Variants in HAPSTR1 observed in about 807,000 individuals in gnomAD.
HAPSTR1 encodes HUWE1-associated protein modifying stress responses 1.
chr16:9,100,911 C>G, the HAPSTR1 span, among the ~76,000 whole-genome samples: 1 of 152,092 alleles, frequency 6.6e-6, no homozygotes, highest in South Asian at 2.1e-4. Context: ...ACTTTTTTTC[C>G]TCTGTTTCTG....
chr16:9,115,520 G>A, the HAPSTR1 span, among the ~76,000 whole-genome samples: 1 of 152,194 alleles, frequency 6.6e-6, no homozygotes. Flanking sequence ...GGTTTATCCT[G>A]AATGTTTAGG....
the HAPSTR1 span, among the ~76,000 whole-genome samples, chr16:9,094,363 C>G: frequency 3.9e-5 from 6 of 151,982 alleles, 1 homozygote; most frequent in South Asian, 1.2e-3. Flanking sequence ...CGGTCTTGAA[C>G]GTTTTGGAAT....
At chr16:9,098,483 G>C in the HAPSTR1 span, among the ~76,000 whole-genome samples, 1 of 152,114 alleles carries the variant, frequency 6.6e-6, no homozygotes, top group Non-Finnish European at 1.5e-5. Flanking sequence ...TTTTATTTTG[G>C]CTGTGACTTA....
chr16:9,101,938 T>A, the HAPSTR1 span, among the ~76,000 whole-genome samples: 1 of 152,060 alleles, frequency 6.6e-6, no homozygotes, highest in Admixed American at 6.5e-5. Context: ...CTGACCAATA[T>A]GGTGAAACCC....
chr16:9,091,695 C>A, the HAPSTR1 span: 1 of 399,376 alleles, frequency 2.5e-6, no homozygotes, highest in Non-Finnish European at 4.4e-6. Flanking sequence ...GCGGAGGGCT[C>A]GGCGATCAGC....
the HAPSTR1 span, chr16:9,121,271 T>G: frequency 6.6e-6 from 1 of 152,212 alleles, no homozygotes; most frequent in African/African-American, 2.4e-5. Flanking sequence ...TAAGTTTCTC[T>G]ATGACAAATT....
the HAPSTR1 span, chr16:9,109,734 G>C: frequency 6.6e-6 from 1 of 152,120 alleles, no homozygotes; most frequent in African/African-American, 2.4e-5. Context: ...GGGGACTTAG[G>C]CATGCTCAGG....
the HAPSTR1 span, chr16:9,110,795 T>C: frequency 6.6e-6 from 1 of 152,284 alleles, no homozygotes; most frequent in East Asian, 1.9e-4. Context: ...CCCAGCACTT[T>C]GGGAGGCCAA....
At chr16:9,117,065 G>T in the HAPSTR1 span, 78 of 1,080,650 alleles carry the variant, frequency 7.2e-5, no homozygotes, top group Middle Eastern at 3.1e-4. Flanking sequence ...GAAGTTCTAG[G>T]TATTTATAGT....
the HAPSTR1 span, chr16:9,091,700 A>C: frequency 7.5e-6 from 3 of 399,598 alleles, no homozygotes; most frequent in Non-Finnish European, 1.3e-5. Context: ...GGGCTCGGCG[A>C]TCAGCGGCGG....
chr16:9,119,131 G>T, the HAPSTR1 span: 3 of 152,390 alleles, frequency 2.0e-5, no homozygotes, highest in Admixed American at 6.6e-5. Flanking sequence ...TAATGAATTT[G>T]TCACCCAGTC....
chr16:9,120,599 CA>C, the HAPSTR1 span: 1 of 149,206 alleles, frequency 6.7e-6, no homozygotes, highest in Non-Finnish European at 1.5e-5. Context: ...AGATTTAAAA[CA>C]GCAAAAATCA....
the HAPSTR1 span, among the ~76,000 whole-genome samples, chr16:9,097,119 T>C: frequency 6.6e-6 from 1 of 152,074 alleles, no homozygotes; most frequent in African/African-American, 2.4e-5. Flanking sequence ...TTTGTATGTT[T>C]AGTAGAGACG....
chr16:9,092,940 A>C, the HAPSTR1 span: 1 of 1,601,532 alleles, frequency 6.2e-7, no homozygotes, highest in Non-Finnish European at 8.5e-7. Context: ...GTCAGCAGCC[A>C]GGACTTTCTC....
chr16:9,100,308 C>T, the HAPSTR1 span, among the ~76,000 whole-genome samples: 6 of 152,266 alleles, frequency 3.9e-5, no homozygotes, highest in East Asian at 5.8e-4. Flanking sequence ...TGAGTTTTCC[C>T]GATGTTCAAA....
the HAPSTR1 span, among the ~76,000 whole-genome samples, chr16:9,115,449 T>C: frequency 3.3e-5 from 5 of 152,238 alleles, no homozygotes; most frequent in South Asian, 2.1e-4. Flanking sequence ...CCAGTGACGG[T>C]AGGTTTTTAA....
the HAPSTR1 span, chr16:9,106,817 T>G: frequency 6.6e-6 from 1 of 152,152 alleles, no homozygotes; most frequent in Non-Finnish European, 1.5e-5. Flanking sequence ...AATAACATTA[T>G]TATAAATTTC....
the HAPSTR1 span, chr16:9,117,600 C>T: frequency 6.5e-6 from 1 of 152,816 alleles, no homozygotes; most frequent in Non-Finnish European, 1.5e-5. Context: ...TATTATTAAA[C>T]TGTCCCCAGA....
the HAPSTR1 span, among the ~76,000 whole-genome samples, chr16:9,102,250 C>T: frequency 6.6e-6 from 1 of 152,224 alleles, no homozygotes; most frequent in Non-Finnish European, 1.5e-5. Context: ...TGATGTTCTG[C>T]TGGCACAGCA....
Sources: gnomAD v4.1 joint callset for allele counts (sites outside exome capture counted in the v4.1 genomes callset) on GRCh38, gnomAD v4.1.1 for gene constraint, MANE v1.5 for transcripts, NCBI Gene and HGNC (gene_info 2026-07-23, HGNC 2026-07-21) for gene names.